DLEC1: variants seen among roughly 807,000 people sequenced by gnomAD.
DLEC1 encodes the protein DLEC1 cilia and flagella associated protein.
Under a neutral mutation model 198.1 loss-of-function variants are expected in DLEC1, and 146 were observed. That is an observed-to-expected ratio of 0.74 (90% confidence interval 0.64 to 0.85). The LOEUF (loss-of-function observed/expected upper bound fraction) is 0.85, where lower values mean the gene tolerates loss of function less well. Ranked by LOEUF, DLEC1 falls within the 40% of genes least tolerant of loss-of-function variation. The pLI is 0.00. For synonymous variants in DLEC1, 897 were observed against 866.8 expected (o/e 1.03, Z -0.61); for missense variants, 2,233 against 2,220.0 (o/e 1.01, Z -0.12).
chr3:38,097,030 G>C, intron 15 of DLEC1, 152 bp from the exon 16 acceptor site: 3 of 816,836 alleles, frequency 3.7e-6, no homozygotes, highest in Non-Finnish European at 5.8e-6. Flanking sequence ...GGTGCTTTTG[G>C]GTTGGGAGGC....
At chr3:38,064,587 C>T (rs142342259) in intron 6 of DLEC1, among the ~76,000 whole-genome samples, 3,634 of 142,182 alleles carry the variant, frequency 0.026, 150 homozygotes, top group African/African-American at 0.09. Flanking sequence ...ACGGGGCGGC[C>T]GGGCAGAGGC....
chr3:38,079,507 G>A (rs1044242358), intron 6 of DLEC1, among the ~76,000 whole-genome samples: 20 of 152,132 alleles, frequency 1.3e-4, no homozygotes, highest in Admixed American at 5.2e-4. Flanking sequence ...ATGGTCTAGG[G>A]GGCTTTGGAG....
intron 3 of DLEC1, among the ~76,000 whole-genome samples, chr3:38,061,360 T>C (rs1328512436): frequency 3.9e-5 from 6 of 152,050 alleles, no homozygotes; most frequent in Admixed American, 3.3e-4. Context: ...TTTGTATTTT[T>C]AGTAGAGACA....
chr3:38,076,907 T>A (rs944740824), intron 6 of DLEC1, among the ~76,000 whole-genome samples: 4 of 152,166 alleles, frequency 2.6e-5, no homozygotes, highest in African/African-American at 9.7e-5. Context: ...GAGATTAAGC[T>A]GAAGGAAGAT....
chr3:38,120,244 A>T (rs1314954983), intron 33 of DLEC1, among the ~76,000 whole-genome samples: 1 of 152,338 alleles, frequency 6.6e-6, no homozygotes, highest in Non-Finnish European at 1.5e-5. Context: ...GAGGGCAGAC[A>T]TGACTTGTCC....
chr3:38,120,714 G>A, intron 34 of DLEC1, 105 bp downstream of exon 34: 1 of 1,474,494 alleles, frequency 6.8e-7, no homozygotes, highest in Non-Finnish European at 9.2e-7. Flanking sequence ...CAGAAATAAG[G>A]AGCCCCTGCC....
In DLEC1 at chr3:38,117,997, G is replaced by A. The variant is rs748994211; in HGVS notation, c.4677G>A (p.Leu1559=). Residue 1559 remains leucine (L), a synonymous_variant, in exon 33 of 37, where the codon CTG becomes CTA. Coordinates refer to ENST00000308059, the MANE Select transcript of DLEC1 (RefSeq NM_007335.4). The stretch of plus-strand genomic sequence containing the variant: ...AGACAGCCTCAGCGGACAAGCAGCT[G>A]GTGCTCCAAGCACAGGAGAACATGC... ...EEETASADKQ[L]VLQAQENMLV... 5 of 1,610,018 alleles carry A rather than the reference G, an allele frequency of 3.1e-6. No homozygotes were observed. Among genetic ancestry groups the A allele is most frequent in the Non-Finnish European group, 4.2e-6 (5 of 1,178,146 alleles).
chr3:38,068,478 G>A (rs967905955), intron 6 of DLEC1, among the ~76,000 whole-genome samples: 5 of 152,270 alleles, frequency 3.3e-5, no homozygotes, highest in Middle Eastern at 3.4e-3. Flanking sequence ...CAACCCACCC[G>A]CCTCGGCTTC....
chr3:38,121,809 C>T (rs971438124), intron 35 of DLEC1, 28 bp downstream of exon 35: 27 of 1,611,512 alleles, frequency 1.7e-5, no homozygotes, highest in East Asian at 2.2e-5. Context: ...ACCTACCCAC[C>T]GTTCCCCTAC....
chr3:38,114,098 C>A (rs1247523813), intron 25 of DLEC1, among the ~76,000 whole-genome samples: 1 of 143,452 alleles, frequency 7.0e-6, no homozygotes, highest in Non-Finnish European at 1.5e-5. Flanking sequence ...CATAGTAAGA[C>A]CCTGTGTCTA....
chr3:38,085,148 G>A (rs987527948), intron 7 of DLEC1, 126 bp from the exon 8 acceptor site: 18 of 1,007,360 alleles, frequency 1.8e-5, no homozygotes, highest in South Asian at 9.7e-5. Context: ...TGCCATCAGC[G>A]TGGCTTTGGC....
chr3:38,073,636 A>T (rs1314987507), intron 6 of DLEC1, among the ~76,000 whole-genome samples: 1 of 152,164 alleles, frequency 6.6e-6, no homozygotes, highest in Non-Finnish European at 1.5e-5. Context: ...CGGCCTAATA[A>T]GGGAACTGGG....
At chr3:38,107,020 A>G (rs1699601559) in intron 19 of DLEC1, among the ~76,000 whole-genome samples, 1 of 152,142 alleles carries the variant, frequency 6.6e-6, no homozygotes, top group Non-Finnish European at 1.5e-5. Flanking sequence ...CCACCCCAAA[A>G]GCTGGAGATA....
chr3:38,123,053 C>T lies in DLEC1; in HGVS notation c.*641C>T. ...CTCCAGCCTGGGACCTCACTCAGTT[C>T]CCAGGGTATTCAAAGACGGCAGCGG... On this transcript the variant is annotated 3_prime_UTR_variant, in exon 37 of 37. Coordinates refer to ENST00000308059, the MANE Select transcript of DLEC1 (RefSeq NM_007335.4). The T allele has an allele frequency of 1.9e-6, 3 of 1,614,142 alleles. No homozygotes were observed. Among genetic ancestry groups the T allele is most frequent in the Admixed American group, 1.7e-5 (1 of 60,020 alleles).
chr3:38,111,524 G>T (rs1177027498), intron 23 of DLEC1, among the ~76,000 whole-genome samples, 153 bp from the exon 24 acceptor site: 1 of 152,168 alleles, frequency 6.6e-6, no homozygotes, highest in African/African-American at 2.4e-5. Context: ...GGAGGTAAAG[G>T]AAAGAACTGA....
chr3:38,084,354 GTGGTGGTAGTAGTAGTAGTGA>G (rs1698247095), intron 7 of DLEC1, 109 bp downstream of exon 7: 32 of 982,254 alleles, frequency 3.3e-5, no homozygotes, highest in Admixed American at 2.6e-4. Context: ...AGTAGTAGTG[GTGGTGGTAGTAGTAGTAGTGA>G]TGGTGGTAGT....
At chr3:38,046,797 C>T (rs1363911736) in intron 2 of DLEC1, among the ~76,000 whole-genome samples, 1 of 152,136 alleles carries the variant, frequency 6.6e-6, no homozygotes, top group Non-Finnish European at 1.5e-5. Context: ...CCCTCAGGCC[C>T]AGGATCCTGT....
At chr3:38,045,893 C>G (rs1485391965) in intron 2 of DLEC1, among the ~76,000 whole-genome samples, 200 bp downstream of exon 2, 1 of 152,200 alleles carries the variant, frequency 6.6e-6, no homozygotes, top group African/African-American at 2.4e-5. Flanking sequence ...AACAAGGACG[C>G]TCTCCTACAT....
rs774075111 is a variant in DLEC1, at chr3:38,110,095, T to C, written c.3261-4T>C. On this transcript the variant is annotated splice_region_variant and splice_polypyrimidine_tract_variant and intron_variant, in intron 22 of 36. Coordinates refer to ENST00000308059, the MANE Select transcript of DLEC1 (RefSeq NM_007335.4). The stretch of plus-strand genomic sequence containing the variant: ...TACCAATGGGCACAGGACAGTGTTT[T>C]CAGCACAGAGCAGTGGCCAGGCCAC... 49 of 1,613,534 alleles carry C rather than the reference T, an allele frequency of 3.0e-5. No individual in the cohort carries two copies. In the South Asian group the frequency reaches 4.9e-4, roughly 16 times the overall value.
Sources: gnomAD v4.1 joint callset for allele counts (sites outside exome capture counted in the v4.1 genomes callset) on GRCh38, gnomAD v4.1.1 for gene constraint, MANE v1.5 for transcripts, NCBI Gene and HGNC (gene_info 2026-07-23, HGNC 2026-07-21) for gene names.